AGFG2: variants seen among roughly 807,000 people sequenced by gnomAD.
AGFG2 encodes arf-GAP domain and FG repeat-containing protein 2.
In AGFG2, 31 loss-of-function variants were observed where a neutral mutation model predicts 48.0. The ratio of observed to expected loss-of-function variants is 0.65; its 90% CI spans 0.49 to 0.87. The LOEUF (loss-of-function observed/expected upper bound fraction) is 0.87, where lower values mean the gene tolerates loss of function less well. AGFG2 is among the 40% of genes least tolerant of loss of function. AGFG2 has a pLI of 0.00. For missense variants in AGFG2, 599 were observed against 632.6 expected (o/e 0.95, Z 0.57); for synonymous variants, 229 against 260.8 (o/e 0.88, Z 1.18).
Position 100,539,220 on chromosome 7 carries a change from C to T in AGFG2, c.-127C>T, listed in dbSNP as rs1584376674. 1.0e-6 allele frequency: 1 copy of T among 983,616 alleles called. No homozygotes were observed. Among genetic ancestry groups the T allele is most frequent in the Non-Finnish European group, 1.3e-6 (1 of 750,844 alleles). 60.9% of individuals were successfully genotyped at this position (983,616 alleles called of 1,614,324 possible). On this transcript the variant is annotated 5_prime_UTR_variant, in exon 1 of 12. Coordinates refer to ENST00000300176, the MANE Select transcript of AGFG2 (RefSeq NM_006076.5). Reference sequence around the variant, plus strand: ...AGGAGGGTGGTGGACGGCGAAGTCTCCTGCGGATGCCGCCCGCTCCCGAGC... The same window carrying T: ...AGGAGGGTGGTGGACGGCGAAGTCTTCTGCGGATGCCGCCCGCTCCCGAGC...
At chr7:100,546,855 A>T (rs1800520286) in intron 1 of AGFG2, among the ~76,000 whole-genome samples, 1 of 152,202 alleles carries the variant, frequency 6.6e-6, no homozygotes, top group African/African-American at 2.4e-5. Flanking sequence ...ATGTGATCGG[A>T]AGACAGTCTT....
At chr7:100,551,721 T>C (rs2131111019) in intron 3 of AGFG2, among the ~76,000 whole-genome samples, 1 of 149,344 alleles carries the variant, frequency 6.7e-6, no homozygotes, top group East Asian at 2.0e-4. Flanking sequence ...CCGTCCCTAC[T>C]AAAAATACAA....
chr7:100,565,013 C>G lies in AGFG2; in HGVS notation c.*22C>G. On this transcript the variant is annotated 3_prime_UTR_variant, in exon 12 of 12. Coordinates refer to ENST00000300176, the MANE Select transcript of AGFG2 (RefSeq NM_006076.5). ...GTAGCACTGTGTTTTTGGGGGGCCT[C>G]TTCCCTGCCTTCTGGGGCCCCTCTG... 1.9e-6 allele frequency: 3 copies of G among 1,613,378 alleles called. No individual in the cohort carries two copies. Among genetic ancestry groups the G allele is most frequent in the Non-Finnish European group, 2.5e-6 (3 of 1,179,252 alleles).
intron 1 of AGFG2, among the ~76,000 whole-genome samples, chr7:100,546,246 T>C (rs1022859295): frequency 6.6e-6 from 1 of 150,600 alleles, no homozygotes; most frequent in African/African-American, 2.5e-5. Flanking sequence ...CCCATTTTGA[T>C]TGATGCCTGG....
intron 1 of AGFG2, among the ~76,000 whole-genome samples, chr7:100,544,605 A>C (rs1800478943): frequency 6.6e-6 from 1 of 152,070 alleles, no homozygotes; most frequent in Non-Finnish European, 1.5e-5. Flanking sequence ...TCTGCTGGGC[A>C]GAGGTGGACA....
chr7:100,561,347 G>A (rs1159918642), intron 6 of AGFG2, among the ~76,000 whole-genome samples: 1 of 152,020 alleles, frequency 6.6e-6, no homozygotes, highest in African/African-American at 2.4e-5. Context: ...GGGTGGTCTC[G>A]AACTCCTGAC....
chr7:100,562,582 C>T lies in AGFG2; in HGVS notation c.999-12C>T, dbSNP rs781539194. ...GGCAGCTGTGTATGACTTCTCTCTC[C>T]CCGTGTTGTAGCCTCTTCGGGATGG... On this transcript the variant is annotated splice_polypyrimidine_tract_variant and intron_variant, in intron 7 of 11. Coordinates refer to ENST00000300176, the MANE Select transcript of AGFG2 (RefSeq NM_006076.5). This position sits in a 1 kb window ranked among gnomAD's most constrained non-coding sequence, Gnocchi z 5.4. 2.5e-6 allele frequency: 4 copies of T among 1,613,492 alleles called. No individual in the cohort carries two copies. Among genetic ancestry groups the T allele is most frequent in the East Asian group, 2.2e-5 (1 of 44,876 alleles).
In AGFG2 at chr7:100,565,168, T is replaced by C. The variant is rs1800979316; in HGVS notation, c.*177T>C. 6 of 708,254 alleles carry C rather than the reference T, an allele frequency of 8.5e-6. No individual in the cohort carries two copies. Among genetic ancestry groups the C allele is most frequent in the Non-Finnish European group, 1.2e-5 (5 of 415,268 alleles). The allele number at this position is 708,254 out of a possible 1,614,324, so 43.9% of individuals were successfully genotyped here. On this transcript the variant is annotated 3_prime_UTR_variant, in exon 12 of 12. Coordinates refer to ENST00000300176, the MANE Select transcript of AGFG2 (RefSeq NM_006076.5). ...GCCCTCAGATTCCACAAAGCCTCTC[T>C]CCCCTCCCTCGTCCCACCCCCACCC...
rs894828049 is a variant in AGFG2, at chr7:100,567,638, A to G, written c.*2647A>G. On this transcript the variant is annotated 3_prime_UTR_variant, in exon 12 of 12. Coordinates refer to ENST00000300176, the MANE Select transcript of AGFG2 (RefSeq NM_006076.5). The stretch of plus-strand genomic sequence containing the variant: ...GTCCCTGTGTTGCCTTCCACAGAGG[A>G]GCAAGGCCTCAGGCTGAGGAAGGAG... 2.0e-5 allele frequency: 3 copies of G among 152,600 alleles called. No individual in the cohort carries two copies. The highest frequency in any genetic ancestry group is 7.2e-5 in the African/African-American group (3 of 41,438). 9.5% of individuals were successfully genotyped at this position (152,600 alleles called of 1,614,324 possible). A position where few individuals can be genotyped will look rare whatever the true frequency, so the allele number is the denominator to read the frequency against.
At chr7:100,564,403 T>G (rs1800961636) in intron 11 of AGFG2, 100 bp downstream of exon 11, 3 of 1,283,340 alleles carry the variant, frequency 2.3e-6, no homozygotes, top group Middle Eastern at 1.9e-4. Context: ...CTGTGCCCCT[T>G]CCTCGTGAAG....
chr7:100,558,986 T>G (rs1017225252), intron 6 of AGFG2, among the ~76,000 whole-genome samples: 6 of 151,928 alleles, frequency 3.9e-5, no homozygotes, highest in African/African-American at 1.5e-4. Flanking sequence ...ATACAAAAAT[T>G]AGCCAGGCAT....
In AGFG2 at chr7:100,539,546, G is replaced by A; in HGVS notation, c.200G>A (p.Cys67Tyr). ...YVDITVGSFV[C>Y]TTCSGLLRGL... ...GATATCACCGTGGGCAGCTTCGTGTGCACCACCTGCTCCGGCCTCCTGTGA... is the reference window on the plus strand; with the variant it reads ...GATATCACCGTGGGCAGCTTCGTGTACACCACCTGCTCCGGCCTCCTGTGA... The change falls in exon 1 of 12, where the codon TGC (cysteine) becomes TAC (tyrosine). Residue 67 changes from cysteine (C) to tyrosine (Y), a missense_variant. Physicochemically the swap from Cys to Tyr is radical, Grantham distance 194. Transcript: ENST00000300176. 1 of 1,110,382 alleles carries A rather than the reference G, an allele frequency of 9.0e-7. No homozygotes were observed. The allele number at this position is 1,110,382 out of a possible 1,614,324, so 68.8% of individuals were successfully genotyped here. A position where few individuals can be genotyped will look rare whatever the true frequency, so the allele number is the denominator to read the frequency against.
intron 5 of AGFG2, among the ~76,000 whole-genome samples, 179 bp from the exon 6 acceptor site, chr7:100,555,431 G>A (rs568619643): frequency 6.6e-6 from 1 of 151,500 alleles, no homozygotes; most frequent in African/African-American, 2.4e-5. Context: ...GTACCACCAC[G>A]CCCAGCTAAT....
At chr7:100,539,601 G>A (rs1800383036) in intron 1 of AGFG2, 34 bp downstream of exon 1, 3 of 1,237,714 alleles carry the variant, frequency 2.4e-6, no homozygotes, top group Admixed American at 4.2e-5. Context: ...CGAGGTCGGC[G>A]TGGGGGGACC....
In AGFG2 at chr7:100,562,489, T is replaced by C. The variant is rs1800898252; in HGVS notation, c.999-105T>C. ...TCCTGGCAGTTCTCCCCTCCCCTCC[T>C]CTCCCTTACTCACCCTGGAGAGCAG... is the stretch of plus-strand genomic sequence containing the variant. On this transcript the variant is annotated intron_variant, in intron 7 of 11. Transcript: ENST00000300176. The surrounding 1 kb of genome is among the most constrained non-coding windows in gnomAD (Gnocchi z 5.4). The C allele has an allele frequency of 6.3e-7, 1 of 1,599,716 alleles. No homozygotes were observed. Among genetic ancestry groups the C allele is most frequent in the Admixed American group, 1.7e-5 (1 of 58,544 alleles).
chr7:100,563,037 C>A, intron 9 of AGFG2, 91 bp downstream of exon 9: 1 of 1,293,394 alleles, frequency 7.7e-7, no homozygotes, highest in Non-Finnish European at 1.1e-6. Context: ...CTTTGTCTCA[C>A]GCTGTCAGGA....
intron 1 of AGFG2, 33 bp from the exon 2 acceptor site, chr7:100,548,789 A>T: frequency 6.5e-7 from 1 of 1,549,958 alleles, no homozygotes; most frequent in Non-Finnish European, 8.9e-7. Context: ...TAACTGCATT[A>T]TACTTCTCTT....
In AGFG2 at chr7:100,565,205, C is replaced by G. The variant is rs747119094; in HGVS notation, c.*214C>G. On this transcript the variant is annotated 3_prime_UTR_variant, in exon 12 of 12. Coordinates refer to ENST00000300176, the MANE Select transcript of AGFG2 (RefSeq NM_006076.5). ...TCCCACCCCCACCCAGGCAGGAAGC[C>G]CAGGAGGAGTGCGGGCAGGGCCTGA... The G allele has an allele frequency of 6.3e-5, 39 of 619,832 alleles. No individual in the cohort carries two copies. The highest frequency in any genetic ancestry group is 1.1e-4 in the Non-Finnish European group (37 of 351,844). 38.4% of individuals were successfully genotyped at this position (619,832 alleles called of 1,614,324 possible).
intron 6 of AGFG2, among the ~76,000 whole-genome samples, chr7:100,560,042 C>A (rs1218064527): frequency 6.6e-6 from 1 of 152,134 alleles, no homozygotes; most frequent in African/African-American, 2.4e-5. Flanking sequence ...CATGCAGGAC[C>A]ACAGCAGCAC....
Sources: gnomAD v4.1 joint callset for allele counts (sites outside exome capture counted in the v4.1 genomes callset) on GRCh38, gnomAD v4.1.1 for gene constraint, Gnocchi (gnomAD v3.1) non-coding constraint, MANE v1.5 for transcripts, NCBI Gene and HGNC (gene_info 2026-07-23, HGNC 2026-07-21) for gene names.